Variants in CTNND2 observed in about 807,000 individuals in gnomAD.
CTNND2 encodes the protein catenin delta 2.
A neutral mutation model predicts 144.4 loss-of-function variants in CTNND2; 22 were observed. The observed-to-expected ratio is 0.15, with a 90% confidence interval of 0.11 to 0.22. CTNND2 has a LOEUF of 0.22. Ranked by LOEUF, CTNND2 falls within the 10% of genes least tolerant of loss-of-function variation. The pLI is 1.00. For missense variants in CTNND2, 1,353 were observed against 1,618.8 expected, an observed-to-expected ratio of 0.84 and a Z score of 2.82; for synonymous variants, 751 against 695.6, an observed-to-expected ratio of 1.08 and a Z score of -1.25.
intron 1 of CTNND2, among the ~76,000 whole-genome samples, chr5:11,750,369 G>T (rs1294204233): frequency 6.6e-6 from 1 of 151,894 alleles, no homozygotes; most frequent in Non-Finnish European, 1.5e-5. Flanking sequence ...TAACTATGTG[G>T]AAGAGGAGGT....
chr5:11,845,778 T>C (rs981159407), intron 1 of CTNND2, among the ~76,000 whole-genome samples: 2 of 152,328 alleles, frequency 1.3e-5, no homozygotes, highest in Non-Finnish European at 1.5e-5. Context: ...AAAGTTTAAA[T>C]CTGAATAAAA....
intron 9 of CTNND2, among the ~76,000 whole-genome samples, chr5:11,242,327 T>G (rs1742536648): frequency 6.6e-6 from 1 of 152,190 alleles, no homozygotes; most frequent in South Asian, 2.1e-4. Context: ...GTTATTGAAC[T>G]TAAGTGATGA....
chr5:11,400,590 G>A (rs1022029986), intron 5 of CTNND2, among the ~76,000 whole-genome samples: 11 of 152,118 alleles, frequency 7.2e-5, no homozygotes, highest in Admixed American at 1.3e-4. Context: ...TCTTTGTTCT[G>A]AAACAAAACC....
chr5:10,984,566 C>G (rs1561121255), intron 20 of CTNND2, among the ~76,000 whole-genome samples: 1 of 152,160 alleles, frequency 6.6e-6, no homozygotes, highest in Non-Finnish European at 1.5e-5. Context: ...GATGTTAATA[C>G]TGGAAGTTCT....
intron 9 of CTNND2, among the ~76,000 whole-genome samples, chr5:11,318,613 T>C (rs1751731704): frequency 6.6e-6 from 1 of 152,136 alleles, no homozygotes. Flanking sequence ...CCCAACTGGA[T>C]TTGTTCTCAT....
chr5:11,505,935 A>C (rs971818224), intron 3 of CTNND2, among the ~76,000 whole-genome samples: 1 of 151,990 alleles, frequency 6.6e-6, no homozygotes, highest in South Asian at 2.1e-4. Context: ...GCATCCATTC[A>C]TTGCTCAACC....
intron 18 of CTNND2, among the ~76,000 whole-genome samples, chr5:11,017,204 G>C (rs1741703954): frequency 6.6e-6 from 1 of 152,078 alleles, no homozygotes; most frequent in Admixed American, 6.5e-5. Context: ...GGAAAAGTTA[G>C]GCACCCCTTA....
At chr5:11,140,438 A>C (rs987629455) in intron 12 of CTNND2, among the ~76,000 whole-genome samples, 1 of 152,246 alleles carries the variant, frequency 6.6e-6, no homozygotes, top group Non-Finnish European at 1.5e-5. Flanking sequence ...ATCTGATTAC[A>C]TTCAAACGAT....
At chr5:11,444,644 G>A (rs1478042005) in intron 3 of CTNND2, among the ~76,000 whole-genome samples, 1 of 152,174 alleles carries the variant, frequency 6.6e-6, no homozygotes, top group Non-Finnish European at 1.5e-5. Context: ...AGAGGTTGCA[G>A]TGAGCTGAGA....
chr5:11,169,381 T>A (rs1208377461), intron 11 of CTNND2, among the ~76,000 whole-genome samples: 1 of 152,278 alleles, frequency 6.6e-6, no homozygotes, highest in Non-Finnish European at 1.5e-5. Flanking sequence ...ACAAACCATA[T>A]AAATTACTGA....
At chr5:11,142,219 G>A (rs1756803411) in intron 12 of CTNND2, among the ~76,000 whole-genome samples, 2 of 152,180 alleles carry the variant, frequency 1.3e-5, no homozygotes, top group Non-Finnish European at 2.9e-5. Context: ...CAAATGAAAA[G>A]GAGACAGAAG....
At chr5:11,497,695 T>A (rs973759925) in intron 3 of CTNND2, among the ~76,000 whole-genome samples, 1 of 151,752 alleles carries the variant, frequency 6.6e-6, no homozygotes, top group African/African-American at 2.4e-5. Context: ...GTGTGAATCA[T>A]CCACGAATCT....
At chr5:11,418,079 G>A (rs1382216675) in intron 3 of CTNND2, among the ~76,000 whole-genome samples, 3 of 151,946 alleles carry the variant, frequency 2.0e-5, no homozygotes, top group Non-Finnish European at 4.4e-5. Flanking sequence ...GATCTAGTTT[G>A]ACGCACTAAC....
chr5:11,118,813 T>C (rs975412995), intron 12 of CTNND2, among the ~76,000 whole-genome samples: 2 of 152,154 alleles, frequency 1.3e-5, no homozygotes. Context: ...ATAAATTCTG[T>C]TTTACAGATG....
Position 11,346,588 on chromosome 5 carries a change from C to T in CTNND2, c.1412G>A (p.Arg471His), listed in dbSNP as rs774793947. 1.5e-5 allele frequency: 23 copies of T among 1,583,954 alleles called. No individual in the cohort carries two copies. The highest frequency in any genetic ancestry group is 2.3e-5 in the East Asian group (1 of 43,294). The change falls in exon 9 of 22, where the codon CGC becomes CAC. Residue 471 changes from arginine (R) to histidine (H), a missense_variant. Arg to His is a conservative substitution (Grantham distance 29, BLOSUM62 0). Around this residue, in one of 4 missense-constraint regions of CTNND2, gnomAD observed 708 missense variants for 706.4 expected, o/e 1.00. Coordinates refer to ENST00000304623, the MANE Select transcript of CTNND2 (RefSeq NM_001332.4). ...CTGTGGGCCGTGCTGGCTGCCTGTG[C>T]GCTGCAAGGGGACGGAGTCGACACC... ...SPGVDSVPLQ[R>H]TGSQHGPQNA... is the part of the protein sequence containing the mutation.
chr5:11,662,387 A>AGC (rs1783318386), intron 2 of CTNND2, among the ~76,000 whole-genome samples: 1 of 151,616 alleles, frequency 6.6e-6, no homozygotes, highest in Middle Eastern at 3.2e-3. Flanking sequence ...GGAGCAAGGA[A>AGC]GCCAGTCTGA....
chr5:11,209,473 G>T (rs1395130916), intron 10 of CTNND2, among the ~76,000 whole-genome samples: 3 of 152,198 alleles, frequency 2.0e-5, no homozygotes, highest in African/African-American at 7.2e-5. Flanking sequence ...AAAGGTCTTA[G>T]AGAAGTTGAC....
chr5:11,254,356 C>T (rs1743988466), intron 9 of CTNND2, among the ~76,000 whole-genome samples: 1 of 152,178 alleles, frequency 6.6e-6, no homozygotes, highest in South Asian at 2.1e-4. Context: ...TCAGGAACCA[C>T]ACATCCAGGT....
chr5:11,049,314 T>C (rs1745593259), intron 16 of CTNND2, among the ~76,000 whole-genome samples: 1 of 152,178 alleles, frequency 6.6e-6, no homozygotes, highest in Admixed American at 6.5e-5. Flanking sequence ...GACAAGGGTG[T>C]GATTTGGTAA....
Sources: allele counts gnomAD v4.1 joint callset (sites outside exome capture counted in the v4.1 genomes callset), GRCh38; gene constraint gnomAD v4.1.1; regional missense constraint gnomAD v4.1.1; transcripts MANE v1.5; gene names NCBI Gene and HGNC (gene_info 2026-07-23, HGNC 2026-07-21).